The following SLC10A7 variants were observed in gnomAD, a reference collection of about 807,000 sequenced individuals.
SLC10A7 encodes the protein solute carrier family 10 member 7, also known as sodium/bile acid cotransporter 7.
SLC10A7 carries 29 observed loss-of-function variants against 43.2 expected under a neutral mutation model. The ratio of observed to expected loss-of-function variants is 0.67; its 90% CI spans 0.50 to 0.92. The LOEUF is 0.92. SLC10A7 is among the 40% of genes least tolerant of loss of function. The probability of loss-of-function intolerance (pLI) is 0.00; values close to 1 mark genes in which losing one functional copy is unlikely to be tolerated. For synonymous variants in SLC10A7, 152 were observed against 144.8 expected (o/e 1.05, Z -0.35); for missense variants, 295 against 403.2 (o/e 0.73, Z 2.30).
intron 5 of SLC10A7, among the ~76,000 whole-genome samples, chr4:146,433,004 C>G (rs1300811617): frequency 6.7e-6 from 1 of 149,636 alleles, no homozygotes; most frequent in African/African-American, 2.5e-5. Flanking sequence ...CGCCACTGCA[C>G]TCCAGCGTGG....
At chr4:146,516,764 G>A (rs912186562) in intron 2 of SLC10A7, among the ~76,000 whole-genome samples, 2 of 151,944 alleles carry the variant, frequency 1.3e-5, no homozygotes, top group Non-Finnish European at 2.9e-5. Context: ...ATAAGTTGAG[G>A]AAGAACTAAA....
chr4:146,495,646 C>T lies in SLC10A7; in HGVS notation c.396+8203G>A, dbSNP rs553450996. Among the ~76,000 whole-genome samples, 40 of 152,220 alleles carry T rather than the reference C, an allele frequency of 2.6e-4. No individual in the cohort carries two copies. In the South Asian group the frequency reaches 7.5e-3, roughly 28 times the overall value. ...AAAACCTTTTTTAAATACACTCAGA[C>T]TTCTATGACCTTCATCTATGACTTA... is the stretch of plus-strand genomic sequence containing the variant. On this transcript the variant is annotated intron_variant, in intron 4 of 11. Coordinates refer to ENST00000335472, the MANE Select transcript of SLC10A7 (RefSeq NM_001029998.6).
At chr4:146,345,965 T>C (rs569388514) in intron 5 of SLC10A7, among the ~76,000 whole-genome samples, 2 of 152,092 alleles carry the variant, frequency 1.3e-5, no homozygotes, top group Non-Finnish European at 2.9e-5. Flanking sequence ...AAGAAACCAA[T>C]GCACACAGAG....
At chr4:146,393,207 A>AG (rs1738572743) in intron 5 of SLC10A7, among the ~76,000 whole-genome samples, 1 of 151,082 alleles carries the variant, frequency 6.6e-6, no homozygotes, top group Non-Finnish European at 1.5e-5. Context: ...AAAAAAAAAA[A>AG]AAAAAAAAAA....
chr4:146,278,170 A>AT (rs1232556419), intron 10 of SLC10A7, among the ~76,000 whole-genome samples: 1 of 151,924 alleles, frequency 6.6e-6, no homozygotes, highest in Non-Finnish European at 1.5e-5. Flanking sequence ...AAGTTTAAAG[A>AT]TTTTTTTTCT....
At chr4:146,412,961 C>A (rs1728300361) in intron 5 of SLC10A7, among the ~76,000 whole-genome samples, 1 of 152,098 alleles carries the variant, frequency 6.6e-6, no homozygotes, top group Non-Finnish European at 1.5e-5. Context: ...TAGTTCCAGG[C>A]ACACAGTAAA....
At chr4:146,344,195 G>A (rs1334421034) in intron 5 of SLC10A7, among the ~76,000 whole-genome samples, 1 of 151,948 alleles carries the variant, frequency 6.6e-6, no homozygotes, top group East Asian at 1.9e-4. Flanking sequence ...GGATGCTCAC[G>A]GGAAGCTATG....
intron 5 of SLC10A7, among the ~76,000 whole-genome samples, chr4:146,440,464 G>A (rs558933775): frequency 6.6e-6 from 1 of 152,096 alleles, no homozygotes; most frequent in Non-Finnish European, 1.5e-5. Flanking sequence ...GATGGTGGAG[G>A]AGAGAGATAG....
At chr4:146,506,143 G>C (rs1255926609) in intron 3 of SLC10A7, among the ~76,000 whole-genome samples, 3 of 151,954 alleles carry the variant, frequency 2.0e-5, no homozygotes, top group Non-Finnish European at 2.9e-5. Flanking sequence ...CAAAAAAGCA[G>C]AATTCTCATA....
chr4:146,258,791 A>C lies in SLC10A7; in HGVS notation c.894T>G (p.Ser298=). Reference sequence around the variant, plus strand: ...AGATGAGCAAGGGTACAGATATTAAAGAGAGATGCTCATGGCCTGCAAACA... The same window carrying C: ...AGATGAGCAAGGGTACAGATATTAACGAGAGATGCTCATGGCCTGCAAACA... ...KIVFAGHEHL[S]LISVPLLIYH... The change falls in exon 11 of 12, where the codon TCT becomes TCG. Residue 298 remains serine, a synonymous_variant. Coordinates refer to ENST00000335472, the MANE Select transcript of SLC10A7 (RefSeq NM_001029998.6). 1 of 1,610,664 alleles carries C rather than the reference A, an allele frequency of 6.2e-7. No individual in the cohort carries two copies. Among genetic ancestry groups the C allele is most frequent in the Non-Finnish European group, 8.5e-7 (1 of 1,179,246 alleles).
rs1474812715 is a variant in SLC10A7, at chr4:146,442,826, G to T, written c.397-5C>A. ...TGAATTAAATATTGCAGCTGCCTAT[G>T]AAGAAAATAAATAGGGGAAAAAAAC... On this transcript the variant is annotated splice_region_variant and splice_polypyrimidine_tract_variant and intron_variant, in intron 4 of 11. Coordinates refer to ENST00000335472, the MANE Select transcript of SLC10A7 (RefSeq NM_001029998.6). 4 of 1,571,644 alleles carry T rather than the reference G, an allele frequency of 2.5e-6. No individual in the cohort carries two copies. Among genetic ancestry groups the T allele is most frequent in the Non-Finnish European group, 3.4e-6 (4 of 1,160,510 alleles).
At chr4:146,366,524 A>C (rs1340536787) in intron 5 of SLC10A7, among the ~76,000 whole-genome samples, 1 of 152,184 alleles carries the variant, frequency 6.6e-6, no homozygotes, top group Non-Finnish European at 1.5e-5. Context: ...GGTTGCTGTA[A>C]ATATCAAATG....
chr4:146,404,959 G>T (rs1473948240), intron 5 of SLC10A7, among the ~76,000 whole-genome samples: 1 of 152,106 alleles, frequency 6.6e-6, no homozygotes, highest in Non-Finnish European at 1.5e-5. Flanking sequence ...GTCCCATCTC[G>T]CCTAACCAGT....
At chr4:146,333,460 G>C (rs1733671584) in intron 5 of SLC10A7, among the ~76,000 whole-genome samples, 1 of 152,104 alleles carries the variant, frequency 6.6e-6, no homozygotes, top group Non-Finnish European at 1.5e-5. Context: ...AGTGAGCTAT[G>C]AGAGTGCTTA....
intron 4 of SLC10A7, among the ~76,000 whole-genome samples, chr4:146,452,451 T>C (rs1462619512): frequency 1.3e-5 from 2 of 152,140 alleles, no homozygotes; most frequent in African/African-American, 4.8e-5. Context: ...TTCAATTAAA[T>C]ATGAAAACAC....
intron 5 of SLC10A7, among the ~76,000 whole-genome samples, chr4:146,358,911 T>C (rs1168538043): frequency 6.6e-6 from 1 of 152,178 alleles, no homozygotes; most frequent in African/African-American, 2.4e-5. Context: ...TCCTAAGTGA[T>C]AGGGTAGGCA....
At chr4:146,326,917 GACACACACACACACACACACACAC>G in intron 5 of SLC10A7, among the ~76,000 whole-genome samples, 1 of 147,420 alleles carries the variant, frequency 6.8e-6, no homozygotes, top group East Asian at 2.0e-4. Context: ...GAGAGGGACA[GACACACACACACACACACACACAC>G]ACACACACAC....
At chr4:146,374,599 T>C (rs1334128388) in intron 5 of SLC10A7, among the ~76,000 whole-genome samples, 1 of 141,928 alleles carries the variant, frequency 7.0e-6, no homozygotes, top group Non-Finnish European at 1.5e-5. Flanking sequence ...AAAAAATATA[T>C]ACATATATAT....
intron 5 of SLC10A7, among the ~76,000 whole-genome samples, chr4:146,381,120 T>C (rs2149791487): frequency 6.6e-6 from 1 of 152,264 alleles, no homozygotes. Flanking sequence ...ACAAAACTAG[T>C]GCCAGGGCCT....
Sources: gnomAD v4.1 joint callset for allele counts (sites outside exome capture counted in the v4.1 genomes callset) on GRCh38, gnomAD v4.1.1 for gene constraint, MANE v1.5 for transcripts, NCBI Gene and HGNC (gene_info 2026-07-23, HGNC 2026-07-21) for gene names.